Variants in SLC9B1 observed in about 807,000 individuals in gnomAD.
The protein encoded by SLC9B1 is sodium/hydrogen exchanger 9B1.
SLC9B1 carries 32 observed loss-of-function variants against 51.7 expected under a neutral mutation model. That is an observed-to-expected ratio of 0.62 (90% CI 0.47 to 0.83). The LOEUF is 0.83. Ranked by LOEUF, SLC9B1 falls within the 40% of genes least tolerant of loss-of-function variation. The pLI is 0.00. For missense variants in SLC9B1, 406 were observed against 613.2 expected, an observed-to-expected ratio of 0.66 and a Z score of 3.57; for synonymous variants, 145 against 212.7, an observed-to-expected ratio of 0.68 and a Z score of 2.77.
intron 1 of SLC9B1, among the ~76,000 whole-genome samples, chr4:103,018,210 T>A (rs1386927275): frequency 6.6e-6 from 1 of 152,186 alleles, no homozygotes; most frequent in African/African-American, 2.4e-5. Context: ...ATACTTTATA[T>A]GTTACAACTA....
intron 3 of SLC9B1, among the ~76,000 whole-genome samples, chr4:102,958,872 G>A (rs951610815): frequency 2.6e-5 from 4 of 151,474 alleles, no homozygotes; most frequent in Admixed American, 2.6e-4. Flanking sequence ...GCAGTGAGCC[G>A]AGATCCCACC....
downstream of SLC9B1, among the ~76,000 whole-genome samples, chr4:102,899,647 C>T (rs1370971545): frequency 1.3e-5 from 2 of 151,988 alleles, no homozygotes; most frequent in African/African-American, 4.8e-5. Flanking sequence ...CTCCTGACCT[C>T]GTGATCTGCC....
chr4:102,922,086 AC>A (rs1735908808), intron 7 of SLC9B1, among the ~76,000 whole-genome samples: 1 of 152,190 alleles, frequency 6.6e-6, no homozygotes, highest in Non-Finnish European at 1.5e-5. Context: ...AGAACTCTCC[AC>A]CCCAAATCAA....
At chr4:102,949,942 C>T (rs1737463048) in intron 3 of SLC9B1, among the ~76,000 whole-genome samples, 1 of 151,724 alleles carries the variant, frequency 6.6e-6, no homozygotes. Flanking sequence ...GCCTGTGTGA[C>T]AGAGTGAGAC....
intron 6 of SLC9B1, among the ~76,000 whole-genome samples, chr4:102,937,412 TAAAAAAAAAAAA>T (rs754801733): frequency 8.8e-5 from 4 of 45,216 alleles, no homozygotes; most frequent in Non-Finnish European, 1.4e-4. Flanking sequence ...TCAGCATTCT[TAAAAAAAAAAAA>T]AAAAAAAAAA....
At chr4:102,893,151 G>A (rs1298659116) in intron 11 of SLC9B1, among the ~76,000 whole-genome samples, 2 of 151,542 alleles carry the variant, frequency 1.3e-5, no homozygotes, top group Non-Finnish European at 2.9e-5. Context: ...GCATGATGGC[G>A]GATGCCTGTA....
intron 3 of SLC9B1, among the ~76,000 whole-genome samples, chr4:102,967,855 C>G (rs1388153879): frequency 6.6e-6 from 1 of 152,138 alleles, no homozygotes; most frequent in African/African-American, 2.4e-5. Flanking sequence ...TAAAAAACAT[C>G]ACTCAGATAA....
intron 1 of SLC9B1, among the ~76,000 whole-genome samples, chr4:103,012,044 T>C (rs1279928681): frequency 6.6e-6 from 1 of 152,254 alleles, no homozygotes; most frequent in Non-Finnish European, 1.5e-5. Context: ...ACTCAGTCTT[T>C]ACAACCTGGT....
chr4:102,905,934 A>T lies in SLC9B1; in HGVS notation c.1196-284T>A, dbSNP rs568797223. Among the ~76,000 whole-genome samples the T allele has an allele frequency of 6.6e-5, 10 of 152,098 alleles. No homozygotes were observed. In the South Asian group the frequency reaches 1.7e-3, roughly 25 times the overall value. ...CTTCTTTTGAATACTTTTATTATTA[A>T]TAATAATAATTTATTTTTTGAGAAG... On this transcript the variant is annotated intron_variant, in intron 10 of 11. Coordinates refer to ENST00000296422, the MANE Select transcript of SLC9B1 (RefSeq NM_139173.4).
intron 7 of SLC9B1, among the ~76,000 whole-genome samples, chr4:102,914,512 G>A (rs1415625511): frequency 2.6e-5 from 4 of 152,046 alleles, no homozygotes; most frequent in South Asian, 2.1e-4. Flanking sequence ...TAGTTCATCC[G>A]ACTGCCAGGA....
intron 7 of SLC9B1, among the ~76,000 whole-genome samples, chr4:102,924,826 A>C (rs1736075032): frequency 6.6e-6 from 1 of 152,260 alleles, no homozygotes; most frequent in Admixed American, 6.5e-5. Flanking sequence ...ACTGGCCATC[A>C]GAGAAATGCA....
intron 4 of SLC9B1, 144 bp downstream of exon 4, chr4:102,949,113 C>T: frequency 1.5e-6 from 1 of 684,604 alleles, no homozygotes; most frequent in East Asian, 2.9e-5. Context: ...CACACACACA[C>T]ACATACAGTA....
intron 1 of SLC9B1, among the ~76,000 whole-genome samples, chr4:103,004,132 A>T (rs913902072): frequency 6.6e-6 from 1 of 152,182 alleles, no homozygotes; most frequent in African/African-American, 2.4e-5. Flanking sequence ...ATATGGATAG[A>T]AATGAACATT....
At chr4:102,993,142 C>T (rs1163445377) in intron 1 of SLC9B1, among the ~76,000 whole-genome samples, 1 of 152,134 alleles carries the variant, frequency 6.6e-6, no homozygotes, top group African/African-American at 2.4e-5. Flanking sequence ...TTATGCCTTT[C>T]CAACAGTCCC....
At chr4:103,000,668 C>G (rs1421233651) in intron 1 of SLC9B1, among the ~76,000 whole-genome samples, 1 of 152,226 alleles carries the variant, frequency 6.6e-6, no homozygotes, top group Non-Finnish European at 1.5e-5. Flanking sequence ...CTCCATGTCT[C>G]ACATCCAGGG....
chr4:102,972,579 TA>T (rs1000578280), intron 3 of SLC9B1, among the ~76,000 whole-genome samples: 1 of 152,012 alleles, frequency 6.6e-6, no homozygotes, highest in Non-Finnish European at 1.5e-5. Context: ...GGCAAAACTA[TA>T]AAAAAAGCAG....
chr4:102,889,068 T>G (rs572627797), intron 11 of SLC9B1: 1 of 152,356 alleles, frequency 6.6e-6, no homozygotes, highest in African/African-American at 2.4e-5. Context: ...GGGTTTTTAA[T>G]TTATTACATG....
Position 102,947,175 on chromosome 4 carries a change from T to C in SLC9B1, c.383-386A>G, listed in dbSNP as rs188800057. ...TTGGTGAATTAGTTTGGGATAAAAC[T>C]GGAGACAGAGACCAAATTGAAGGCT... On this transcript the variant is annotated intron_variant, in intron 4 of 11. Transcript: ENST00000296422. 8.8e-3 allele frequency among the ~76,000 whole-genome samples: 1,341 copies of C among 152,232 alleles called. 13 individuals are homozygous for C. The highest frequency in any genetic ancestry group is 0.027 in the Middle Eastern group (8 of 294).
At chr4:102,937,497 G>C (rs1277355233) in intron 6 of SLC9B1, among the ~76,000 whole-genome samples, 1 of 149,830 alleles carries the variant, frequency 6.7e-6, no homozygotes, top group Non-Finnish European at 1.5e-5. Flanking sequence ...GAGGCTGAGG[G>C]GGGTGGATCA....
Sources: gnomAD v4.1 joint callset for allele counts (sites outside exome capture counted in the v4.1 genomes callset) on GRCh38, gnomAD v4.1.1 for gene constraint, MANE v1.5 for transcripts, NCBI Gene and HGNC (gene_info 2026-07-23, HGNC 2026-07-21) for gene names.